Variants in PRKG1 observed in about 807,000 individuals in gnomAD.
PRKG1 encodes the protein cGMP-dependent protein kinase 1.
Under a neutral mutation model 88.1 loss-of-function variants are expected in PRKG1, and 35 were observed. The ratio of observed to expected loss-of-function variants is 0.40; its 90% CI spans 0.30 to 0.53. PRKG1 has a LOEUF of 0.53. Among genes scored for constraint, PRKG1 ranks in the 20% least tolerant of loss-of-function variants. The probability of loss-of-function intolerance (pLI) is 0.59; values close to 1 mark genes in which losing one functional copy is unlikely to be tolerated. For missense variants in PRKG1, 540 were observed against 839.8 expected, an observed-to-expected ratio of 0.64 and a Z score of 4.41; for synonymous variants, 303 against 292.5, an observed-to-expected ratio of 1.04 and a Z score of -0.37.
At chr10:51,719,413 T>A in intron 3 of PRKG1, among the ~76,000 whole-genome samples, 1 of 152,034 alleles carries the variant, frequency 6.6e-6, no homozygotes, top group Non-Finnish European at 1.5e-5. Context: ...GATAATCATC[T>A]CCCAAATTCA....
intron 2 of PRKG1, among the ~76,000 whole-genome samples, chr10:51,373,909 C>T (rs1204937037): frequency 2.0e-5 from 3 of 150,808 alleles, no homozygotes; most frequent in South Asian, 2.1e-4. Context: ...TTTGGGAGGC[C>T]GAGGCAGGTG....
intron 3 of PRKG1, among the ~76,000 whole-genome samples, chr10:51,529,106 A>G (rs970225184): frequency 6.6e-6 from 1 of 152,124 alleles, no homozygotes; most frequent in Non-Finnish European, 1.5e-5. Context: ...CTTCTATCTC[A>G]GTAGATGGCA....
intron 1 of PRKG1, among the ~76,000 whole-genome samples, chr10:51,086,895 G>T (rs1262217789): frequency 6.6e-6 from 1 of 152,168 alleles, no homozygotes; most frequent in Admixed American, 6.5e-5. Context: ...ATTCCTAAGG[G>T]TTACTGTCAG....
chr10:52,037,975 G>A lies in PRKG1; in HGVS notation c.763-16509G>A, dbSNP rs1393300984. On this transcript the variant is annotated intron_variant, in intron 5 of 17. Coordinates refer to ENST00000373980, the MANE Select transcript of PRKG1 (RefSeq NM_006258.4). ...GCACAGAGACTAGGAAGGGACTGAT[G>A]TGTAAAAGAATGCCTGGACGTCAGG... is the stretch of plus-strand genomic sequence containing the variant. Among the ~76,000 whole-genome samples, 3 of 152,158 alleles carry A rather than the reference G, an allele frequency of 2.0e-5. No homozygotes were observed. In the South Asian group the frequency reaches 6.2e-4, roughly 31 times the overall value.
At chr10:52,249,106 T>G (rs1193866315) in intron 9 of PRKG1, among the ~76,000 whole-genome samples, 1 of 131,766 alleles carries the variant, frequency 7.6e-6, no homozygotes, top group Non-Finnish European at 1.6e-5. Flanking sequence ...CCTTCCTCTC[T>G]TTCTTTCTCT....
chr10:52,293,876 C>A lies in PRKG1; in HGVS notation c.2037C>A (p.Asn679Lys). Residue 679 changes from asparagine (N) to lysine (K), a missense_variant, in exon 18 of 18, where the codon AAC (asparagine) becomes AAA (lysine). Physicochemically the swap from Asn to Lys is moderately conservative, Grantham distance 94. Coordinates refer to ENST00000373980, the MANE Select transcript of PRKG1 (RefSeq NM_006258.4). ...ACGATGAACCACCACCTGATGACAACTCAGGATGGGATATAGACTTCTAAT... is the reference window on the plus strand; with the variant it reads ...ACGATGAACCACCACCTGATGACAAATCAGGATGGGATATAGACTTCTAAT... ...EDNDEPPPDD[N>K]SGWDIDF 5.0e-6 allele frequency: 8 copies of A among 1,612,034 alleles called. No homozygotes were observed. Among genetic ancestry groups the A allele is most frequent in the Non-Finnish European group, 6.8e-6 (8 of 1,178,340 alleles).
intron 2 of PRKG1, among the ~76,000 whole-genome samples, chr10:51,159,725 G>C: frequency 6.6e-6 from 1 of 152,040 alleles, no homozygotes; most frequent in Admixed American, 6.6e-5. Context: ...AGTTCAGGAG[G>C]CATAAAATGT....
chr10:51,408,729 C>T (rs1023381240), intron 2 of PRKG1, among the ~76,000 whole-genome samples: 6 of 152,326 alleles, frequency 3.9e-5, no homozygotes, highest in East Asian at 1.9e-4. Context: ...CCTCCATCCC[C>T]GCCACCATGG....
chr10:51,006,180 A>C (rs1368804395), intron 1 of PRKG1, among the ~76,000 whole-genome samples: 1 of 152,146 alleles, frequency 6.6e-6, no homozygotes, highest in African/African-American at 2.4e-5. Context: ...ACTATTTCAG[A>C]TTTTATTTCT....
intron 4 of PRKG1, among the ~76,000 whole-genome samples, chr10:51,831,600 T>C (rs951451835): frequency 6.6e-6 from 1 of 152,190 alleles, no homozygotes; most frequent in Non-Finnish European, 1.5e-5. Flanking sequence ...AAGTTACTCA[T>C]AGTTCACTAC....
intron 8 of PRKG1, among the ~76,000 whole-genome samples, chr10:52,157,476 CATT>C (rs1266163038): frequency 2.7e-5 from 4 of 150,942 alleles, no homozygotes; most frequent in South Asian, 4.2e-4. Flanking sequence ...GATGAAGTCT[CATT>C]ATATCACAAC....
chr10:51,597,672 G>A (rs957825243), intron 3 of PRKG1, among the ~76,000 whole-genome samples: 3 of 152,050 alleles, frequency 2.0e-5, no homozygotes, highest in Non-Finnish European at 4.4e-5. Context: ...ACTCTCTCAG[G>A]GTCCTGTGGC....
upstream of PRKG1, among the ~76,000 whole-genome samples, chr10:51,071,946 C>T (rs1843832018): frequency 6.6e-6 from 1 of 152,174 alleles, no homozygotes; most frequent in African/African-American, 2.4e-5. Context: ...TGCCTATAAT[C>T]CCAGCATTTT....
chr10:52,200,417 C>CCA (rs1839634739), intron 9 of PRKG1, among the ~76,000 whole-genome samples: 1 of 152,150 alleles, frequency 6.6e-6, no homozygotes, highest in Non-Finnish European at 1.5e-5. Context: ...GCATAATATT[C>CCA]CATAGTGTAT....
intron 12 of PRKG1, among the ~76,000 whole-genome samples, chr10:52,274,939 T>G (rs895449685): frequency 1.3e-5 from 2 of 152,096 alleles, no homozygotes; most frequent in African/African-American, 4.8e-5. Flanking sequence ...ATTAGTGAAG[T>G]TGAGCATTTT....
At chr10:51,262,964 A>G (rs981165427) in intron 2 of PRKG1, among the ~76,000 whole-genome samples, 3 of 152,202 alleles carry the variant, frequency 2.0e-5, no homozygotes, top group East Asian at 1.9e-4. Flanking sequence ...ATCAGCCCAC[A>G]TAAGAGTCCT....
intron 5 of PRKG1, among the ~76,000 whole-genome samples, chr10:51,920,559 A>G (rs1052357200): frequency 3.3e-5 from 5 of 152,126 alleles, no homozygotes; most frequent in Non-Finnish European, 5.9e-5. Flanking sequence ...ATATGGATAT[A>G]TGTATGCATA....
intron 1 of PRKG1, among the ~76,000 whole-genome samples, chr10:51,052,679 T>G (rs76433120): frequency 0.012 from 1,779 of 152,322 alleles, 27 homozygotes; most frequent in African/African-American, 0.04. Context: ...TAGAGATCAC[T>G]TATTAATCTG....
chr10:51,450,273 A>ATATT (rs1839396646), intron 2 of PRKG1, among the ~76,000 whole-genome samples: 1 of 152,016 alleles, frequency 6.6e-6, no homozygotes, highest in Admixed American at 6.6e-5. Flanking sequence ...GATAAAGTTT[A>ATATT]TATTTTATAG....
Sources: allele counts gnomAD v4.1 joint callset (sites outside exome capture counted in the v4.1 genomes callset), GRCh38; gene constraint gnomAD v4.1.1; transcripts MANE v1.5; gene names NCBI Gene and HGNC (gene_info 2026-07-23, HGNC 2026-07-21).